The following ATOSA variants were observed in gnomAD, a reference collection of about 807,000 sequenced individuals.
The protein encoded by ATOSA is atos homolog protein A.
chr15:52,610,118 G>A, the ATOSA span: 25 of 1,613,990 alleles, frequency 1.5e-5, no homozygotes, highest in African/African-American at 5.3e-5. Context: ...CTACACAGAC[G>A]CTGTGAACTG....
chr15:52,647,707 G>A, the ATOSA span, among the ~76,000 whole-genome samples: 2 of 152,140 alleles, frequency 1.3e-5, no homozygotes, highest in African/African-American at 4.8e-5. Context: ...TCAAAGGGGT[G>A]GGGGAAATCT....
chr15:52,622,651 G>C, the ATOSA span, among the ~76,000 whole-genome samples: 1 of 152,156 alleles, frequency 6.6e-6, no homozygotes, highest in Non-Finnish European at 1.5e-5. Flanking sequence ...GTTAAGGAGG[G>C]CTTTTTGAAG....
chr15:52,627,895 C>A, the ATOSA span, among the ~76,000 whole-genome samples: 1 of 152,116 alleles, frequency 6.6e-6, no homozygotes, highest in Non-Finnish European at 1.5e-5. Context: ...CAACAAAATG[C>A]TAAAAGTAGG....
chr15:52,628,007 C>T, the ATOSA span, among the ~76,000 whole-genome samples: 4 of 152,012 alleles, frequency 2.6e-5, no homozygotes, highest in East Asian at 1.9e-4. Context: ...CGCTAATTCT[C>T]GATTGTGAAT....
the ATOSA span, among the ~76,000 whole-genome samples, chr15:52,671,213 GATTA>G: frequency 1.6e-3 from 244 of 152,252 alleles, no homozygotes; most frequent in East Asian, 9.3e-3. Flanking sequence ...AATAAGATAT[GATTA>G]ATTAAGAAAT....
At chr15:52,615,288 TA>T in the ATOSA span, among the ~76,000 whole-genome samples, 11 of 152,260 alleles carry the variant, frequency 7.2e-5, no homozygotes, top group African/African-American at 2.7e-4. Context: ...CTTAGTTTTT[TA>T]ACAGCTAATT....
At chr15:52,702,539 T>C in the ATOSA span, among the ~76,000 whole-genome samples, 1 of 152,030 alleles carries the variant, frequency 6.6e-6, no homozygotes, top group Non-Finnish European at 1.5e-5. Flanking sequence ...TTCTCACTTA[T>C]AAGTGGGAGC....
At chr15:52,588,639 G>A in the ATOSA span, among the ~76,000 whole-genome samples, 4 of 152,226 alleles carry the variant, frequency 2.6e-5, no homozygotes, top group Non-Finnish European at 4.4e-5. Flanking sequence ...GTTGGGGGCA[G>A]GGGCGGTGGT....
the ATOSA span, among the ~76,000 whole-genome samples, chr15:52,679,928 G>C: frequency 1.1e-3 from 163 of 151,470 alleles, no homozygotes; most frequent in Middle Eastern, 3.4e-3. Flanking sequence ...GGGACGGGGG[G>C]TGGGCAGCTA....
the ATOSA span, among the ~76,000 whole-genome samples, chr15:52,654,074 T>G: frequency 6.6e-6 from 1 of 152,174 alleles, no homozygotes; most frequent in Admixed American, 6.5e-5. Flanking sequence ...CTATAATATA[T>G]AATCCCAGGG....
chr15:52,601,080 A>C, the ATOSA span: 1 of 1,507,452 alleles, frequency 6.6e-7, no homozygotes, highest in East Asian at 2.5e-5. Flanking sequence ...ATTTTGAGAT[A>C]AATACCTTCT....
At chr15:52,588,623 G>C in the ATOSA span, among the ~76,000 whole-genome samples, 986 of 152,190 alleles carry the variant, frequency 6.5e-3, 8 homozygotes, top group Middle Eastern at 0.01. Flanking sequence ...ATTTTTAGTA[G>C]AGATGGTTGG....
the ATOSA span, among the ~76,000 whole-genome samples, chr15:52,582,515 A>G: frequency 6.6e-6 from 1 of 152,170 alleles, no homozygotes. Flanking sequence ...TAAATAACTC[A>G]TACTCCTTTT....
the ATOSA span, among the ~76,000 whole-genome samples, chr15:52,699,843 A>ATAC: frequency 6.6e-6 from 1 of 152,130 alleles, no homozygotes; most frequent in Non-Finnish European, 1.5e-5. Flanking sequence ...AATCTGAAGG[A>ATAC]TACTAGTGGC....
the ATOSA span, among the ~76,000 whole-genome samples, chr15:52,675,829 C>A: frequency 6.6e-6 from 1 of 151,856 alleles, no homozygotes; most frequent in African/African-American, 2.4e-5. Context: ...TGGCGTGAAC[C>A]CGGGAGGCGG....
At chr15:52,588,727 C>G in the ATOSA span, among the ~76,000 whole-genome samples, 3 of 152,250 alleles carry the variant, frequency 2.0e-5, no homozygotes, top group Non-Finnish European at 4.4e-5. Context: ...GCTGGGATGA[C>G]AGGCGTGAGC....
chr15:52,625,125 T>C, the ATOSA span, among the ~76,000 whole-genome samples: 1 of 152,048 alleles, frequency 6.6e-6, no homozygotes, highest in Non-Finnish European at 1.5e-5. Flanking sequence ...TTAGAAATCA[T>C]CCTAACCTAA....
the ATOSA span, among the ~76,000 whole-genome samples, chr15:52,638,698 C>CAA: frequency 2.3e-4 from 23 of 100,828 alleles, no homozygotes; most frequent in East Asian, 4.7e-3. Flanking sequence ...GAGACTCTGC[C>CAA]AAAAAAAAAA....
the ATOSA span, among the ~76,000 whole-genome samples, chr15:52,681,463 G>T: frequency 6.6e-6 from 1 of 152,152 alleles, no homozygotes; most frequent in Non-Finnish European, 1.5e-5. Flanking sequence ...GAGGTGTTTA[G>T]ACTCTGACAA....
Sources: gnomAD v4.1 joint callset for allele counts (sites outside exome capture counted in the v4.1 genomes callset) on GRCh38, gnomAD v4.1.1 for gene constraint, MANE v1.5 for transcripts, NCBI Gene and HGNC (gene_info 2026-07-23, HGNC 2026-07-21) for gene names.